Variants in DACH2 observed in about 807,000 individuals in gnomAD.
The protein encoded by DACH2 is dachshund homolog 2.
In DACH2, 17 loss-of-function variants were observed where a neutral mutation model predicts 35.8. The ratio of observed to expected loss-of-function variants is 0.48; its 90% confidence interval spans 0.33 to 0.71. DACH2 has a LOEUF of 0.71. Ranked by LOEUF, DACH2 falls within the 30% of genes least tolerant of loss-of-function variation. The probability of loss-of-function intolerance (pLI) is 0.02; values close to 1 mark genes in which losing one functional copy is unlikely to be tolerated. For missense variants in DACH2, 469 were observed against 472.7 expected, an observed-to-expected ratio of 0.99 and a Z score of 0.07; for synonymous variants, 195 against 177.3, an observed-to-expected ratio of 1.10 and a Z score of -0.79.
intron 4 of DACH2, among the ~76,000 whole-genome samples, chrX:86,676,013 C>T (rs369046291): frequency 1.8e-5 from 2 of 111,945 alleles, no homozygotes; most frequent in East Asian, 5.6e-4. Flanking sequence ...TGTGCACATA[C>T]ACATGTGCAT....
intron 1 of DACH2, among the ~76,000 whole-genome samples, chrX:86,219,119 C>G (rs1321087777): frequency 8.9e-6 from 1 of 111,741 alleles, no homozygotes; most frequent in African/African-American, 3.3e-5. Context: ...AAATTCAGAA[C>G]GTGAGTTGAT....
At chrX:86,223,418 T>C (rs1426929805) in intron 1 of DACH2, among the ~76,000 whole-genome samples, 1 of 111,749 alleles carries the variant, frequency 8.9e-6, no homozygotes. Flanking sequence ...ATTCCCTTTT[T>C]GTTAAATCTC....
chrX:86,663,642 G>A (rs1310037844), intron 4 of DACH2, among the ~76,000 whole-genome samples: 2 of 111,542 alleles, frequency 1.8e-5, no homozygotes, highest in African/African-American at 6.5e-5. Flanking sequence ...TTCTGAACCT[G>A]CAATATTTCC....
chrX:86,283,881 C>CACAT (rs1375560009), intron 1 of DACH2, among the ~76,000 whole-genome samples: 2 of 106,931 alleles, frequency 1.9e-5, no homozygotes, highest in African/African-American at 7.3e-5. Context: ...TACACACACA[C>CACAT]ACACACACAC....
intron 7 of DACH2, among the ~76,000 whole-genome samples, chrX:86,779,412 T>C (rs1327166048): frequency 9.0e-6 from 1 of 111,194 alleles, no homozygotes; most frequent in Non-Finnish European, 1.9e-5. Context: ...ATCAGAGAAT[T>C]AAAGGGGTCC....
intron 7 of DACH2, among the ~76,000 whole-genome samples, chrX:86,808,460 G>T (rs759981369): frequency 1.8e-5 from 2 of 110,845 alleles, no homozygotes; most frequent in African/African-American, 6.5e-5. Flanking sequence ...ACAATTTGGG[G>T]ATCAAGCTTT....
intron 4 of DACH2, among the ~76,000 whole-genome samples, chrX:86,676,323 A>G (rs545136060): frequency 2.7e-5 from 3 of 112,236 alleles, no homozygotes; most frequent in Non-Finnish European, 3.8e-5. Context: ...AACTAAGCCT[A>G]TTGAAACTGA....
intron 2 of DACH2, among the ~76,000 whole-genome samples, chrX:86,389,377 A>T (rs1019883639): frequency 1.8e-5 from 2 of 112,534 alleles, no homozygotes; most frequent in South Asian, 7.3e-4. Flanking sequence ...TATTGAGTTT[A>T]CTGAACTTGT....
At chrX:86,411,671 G>T (rs966848213) in intron 2 of DACH2, among the ~76,000 whole-genome samples, 1 of 111,480 alleles carries the variant, frequency 9.0e-6, no homozygotes, top group African/African-American at 3.3e-5. Flanking sequence ...ATAAAATAAA[G>T]ACATTTTCTT....
chrX:86,302,851 A>T (rs754985891), intron 1 of DACH2, among the ~76,000 whole-genome samples: 39 of 110,143 alleles, frequency 3.5e-4, no homozygotes, highest in Non-Finnish European at 6.8e-4. Flanking sequence ...ATGGCTGTGC[A>T]GTGTTTTGCA....
chrX:86,807,208 A>G (rs12837422), intron 7 of DACH2, among the ~76,000 whole-genome samples: 36,473 of 110,807 alleles, frequency 0.33, 4,842 homozygotes, highest in Middle Eastern at 0.42. Context: ...AGGTGTTAAT[A>G]GATGCTTAGG....
At chrX:86,752,476 A>C (rs1321615727) in intron 7 of DACH2, among the ~76,000 whole-genome samples, 1 of 111,923 alleles carries the variant, frequency 8.9e-6, no homozygotes, top group Non-Finnish European at 1.9e-5. Context: ...TTTGAAATAA[A>C]GTTTTTATTT....
At chrX:86,244,455 T>C (rs1339514385) in intron 1 of DACH2, among the ~76,000 whole-genome samples, 1 of 111,788 alleles carries the variant, frequency 8.9e-6, no homozygotes, top group Admixed American at 9.5e-5. Context: ...ATATCCAATT[T>C]CCTCCAAAAT....
chrX:86,375,819 C>T (rs1456369983), intron 1 of DACH2, among the ~76,000 whole-genome samples: 1 of 110,002 alleles, frequency 9.1e-6, no homozygotes, highest in Non-Finnish European at 1.9e-5. Context: ...CAAAACAAAA[C>T]AGATGATATT....
At chrX:86,320,150 G>A (rs1178418257) in intron 1 of DACH2, among the ~76,000 whole-genome samples, 1 of 111,188 alleles carries the variant, frequency 9.0e-6, no homozygotes. Context: ...TTATTTTAGG[G>A]TCTTTCATGC....
chrX:86,752,119 G>T (rs1182785403), intron 7 of DACH2, among the ~76,000 whole-genome samples: 2 of 111,232 alleles, frequency 1.8e-5, no homozygotes, highest in Non-Finnish European at 3.8e-5. Context: ...CTTACTTCCT[G>T]GGTGTCAATA....
chrX:86,453,496 A>T (rs1253030993), intron 2 of DACH2, among the ~76,000 whole-genome samples: 1 of 111,453 alleles, frequency 9.0e-6, no homozygotes, highest in South Asian at 3.7e-4. Context: ...CTGGGTACTC[A>T]TGTATTGGTT....
chrX:86,386,962 A>G (rs1351661283), intron 2 of DACH2, among the ~76,000 whole-genome samples: 1 of 111,679 alleles, frequency 9.0e-6, no homozygotes, highest in Admixed American at 9.6e-5. Context: ...AGTAATGCAC[A>G]TAAGTCTTAT....
chrX:86,154,101 C>G (rs186992295), intron 1 of DACH2, among the ~76,000 whole-genome samples: 2 of 111,310 alleles, frequency 1.8e-5, no homozygotes, highest in South Asian at 7.4e-4. Context: ...TCTTAGGTAA[C>G]CTTATTTTGT....
Sources: allele counts gnomAD v4.1 joint callset (sites outside exome capture counted in the v4.1 genomes callset), GRCh38; gene constraint gnomAD v4.1.1; transcripts MANE v1.5; gene names NCBI Gene and HGNC (gene_info 2026-07-23, HGNC 2026-07-21).